Variants in HIRA observed in about 807,000 individuals in gnomAD.
HIRA encodes histone cell cycle regulator.
HIRA carries 13 observed loss-of-function variants against 126.6 expected under a neutral mutation model. The ratio of observed to expected loss-of-function variants is 0.10; its 90% CI spans 0.07 to 0.16. The LOEUF is 0.16. HIRA is among the 10% of genes least tolerant of loss of function. The pLI, the probability that HIRA is intolerant of heterozygous loss-of-function variation, is 1.00. For missense variants in HIRA, 834 were observed against 1,314.4 expected (o/e 0.63, Z 5.65); for synonymous variants, 511 against 520.0 (o/e 0.98, Z 0.24).
chr22:19,387,383 G>T (rs971869986), intron 11 of HIRA, among the ~76,000 whole-genome samples: 5 of 152,162 alleles, frequency 3.3e-5, no homozygotes, highest in African/African-American at 1.2e-4. Flanking sequence ...AGGTGAAAGT[G>T]ACATGAGCAG....
At chr22:19,405,912 T>C (rs2089304643) in intron 4 of HIRA, 32 bp from the exon 5 acceptor site, 9 of 1,392,638 alleles carry the variant, frequency 6.5e-6, no homozygotes, top group Non-Finnish European at 8.6e-6. Context: ...AAGGCACTCA[T>C]GGAGTGCTCT....
At chr22:19,353,887 G>A (rs1601811605) in intron 22 of HIRA, 109 bp downstream of exon 22, 2 of 1,369,664 alleles carry the variant, frequency 1.5e-6, no homozygotes, top group Non-Finnish European at 2.0e-6. Flanking sequence ...TGGGGCACAG[G>A]GGAAGGGCAG....
At chr22:19,422,193 C>CACACAA (rs147313860) in intron 1 of HIRA, among the ~76,000 whole-genome samples, 1 of 145,552 alleles carries the variant, frequency 6.9e-6, no homozygotes, top group Non-Finnish European at 1.5e-5. Context: ...CACACACACA[C>CACACAA]ATACACATAT....
rs747482392 is a variant in HIRA, at chr22:19,410,706, A to G, written c.100+10T>C. 9 of 1,609,324 alleles carry G rather than the reference A, an allele frequency of 5.6e-6. No individual in the cohort carries two copies. The highest frequency in any genetic ancestry group is 7.7e-6 in the Non-Finnish European group (9 of 1,175,836). ...GTTAAGCTTTCCCTTTCTTTATTCC[A>G]TAAACATACCTTGTCCTCCAGTTGC... is the stretch of plus-strand genomic sequence containing the variant. On this transcript the variant is annotated intron_variant, in intron 2 of 24. Transcript: ENST00000263208.
intron 13 of HIRA, among the ~76,000 whole-genome samples, chr22:19,382,663 G>A (rs2089084963): frequency 6.6e-6 from 1 of 152,176 alleles, no homozygotes; most frequent in African/African-American, 2.4e-5. Context: ...TCCATGAAGG[G>A]CTTACAAATG....
At chr22:19,392,261 C>A in intron 8 of HIRA, 47 bp from the exon 9 acceptor site, 2 of 1,231,868 alleles carry the variant, frequency 1.6e-6, no homozygotes, top group South Asian at 1.3e-5. Flanking sequence ...AAGCATCAGG[C>A]ATGTCCCCTG....
At chr22:19,333,513 TTTTC>T (rs2088519748) in intron 24 of HIRA, among the ~76,000 whole-genome samples, 2 of 152,084 alleles carry the variant, frequency 1.3e-5, no homozygotes, top group Non-Finnish European at 2.9e-5. Flanking sequence ...AAGGATGAGA[TTTTC>T]TTTGTCTTTC....
chr22:19,372,101 C>T (rs1055524373), intron 15 of HIRA, among the ~76,000 whole-genome samples: 1 of 152,152 alleles, frequency 6.6e-6, no homozygotes, highest in Non-Finnish European at 1.5e-5. Flanking sequence ...ATGAGGGTTC[C>T]CTTTAGAGCT....
intron 7 of HIRA, 57 bp from the exon 8 acceptor site, chr22:19,394,566 C>G: frequency 1.9e-6 from 3 of 1,556,172 alleles, no homozygotes; most frequent in Non-Finnish European, 2.6e-6. Context: ...GACCAAAACT[C>G]TGGCCTCGAG....
chr22:19,379,255 G>A (rs1443138354), intron 13 of HIRA, among the ~76,000 whole-genome samples: 6 of 151,300 alleles, frequency 4.0e-5, no homozygotes, highest in South Asian at 4.2e-4. Flanking sequence ...CTCGTGATCC[G>A]CCCGCCTTGG....
Position 19,413,057 on chromosome 22 carries a change from C to T in HIRA, c.38-2279G>A, listed in dbSNP as rs531928831. Among the ~76,000 whole-genome samples, 22 of 152,164 alleles carry T rather than the reference C, an allele frequency of 1.4e-4. No individual in the cohort carries two copies. The South Asian group carries it at 1.5e-3, about 10-fold the overall frequency. ...GGAGAGGGTTTTCAGGCTGAGGGGA[C>T]GCACGGCATGGAATCAAGAAATAGG... On this transcript the variant is annotated intron_variant, in intron 1 of 24. Transcript: ENST00000263208.
chr22:19,392,812 G>A (rs1466020997), intron 8 of HIRA, among the ~76,000 whole-genome samples: 1 of 152,194 alleles, frequency 6.6e-6, no homozygotes, highest in East Asian at 1.9e-4. Context: ...TGGCTGCTTA[G>A]TCCAGGGAAC....
intron 22 of HIRA, 97 bp downstream of exon 22, chr22:19,353,899 T>C: frequency 6.9e-7 from 1 of 1,446,950 alleles, no homozygotes; most frequent in Non-Finnish European, 9.4e-7. Context: ...GAAGGGCAGG[T>C]GGAGACCAGG....
chr22:19,361,315 C>G lies in HIRA; in HGVS notation c.2007G>C (p.Lys669Asn). 2 of 1,614,238 alleles carry G rather than the reference C, an allele frequency of 1.2e-6. No homozygotes were observed. The highest frequency in any genetic ancestry group is 1.7e-6 in the Non-Finnish European group (2 of 1,180,026). The change falls in exon 17 of 25, where the codon AAG (lysine) becomes AAC (asparagine). Residue 669 changes from lysine to asparagine, a missense_variant. Physicochemically the swap from Lys to Asn is moderately conservative, Grantham distance 94 (BLOSUM62 0). Transcript: ENST00000263208. ...CTGGTGCAGACAGACACATGGCCTC[C>G]TTCTCTGCGGTTAGGGCAGCTGGAG... Reference protein sequence around the residue: ...VQSPAALTAEKEAMCLSAPAL... With the variant: ...VQSPAALTAENEAMCLSAPAL...
At chr22:19,409,489 G>A (rs2089334502) in intron 2 of HIRA, among the ~76,000 whole-genome samples, 1 of 151,994 alleles carries the variant, frequency 6.6e-6, no homozygotes, top group Non-Finnish European at 1.5e-5. Context: ...TCGCCATGTT[G>A]GCCAGGCTGA....
intron 15 of HIRA, among the ~76,000 whole-genome samples, chr22:19,366,978 G>T (rs1245983579): frequency 6.6e-6 from 1 of 152,140 alleles, no homozygotes; most frequent in African/African-American, 2.4e-5. Flanking sequence ...GGCCAAGCTG[G>T]TCTTGAGCTC....
At chr22:19,410,680 T>C (rs753345595) in intron 2 of HIRA, 36 bp downstream of exon 2, 1 of 1,517,930 alleles carries the variant, frequency 6.6e-7, no homozygotes, top group African/African-American at 1.4e-5. Context: ...GTGGCAGGGC[T>C]GTTAAGCTTT....
intron 1 of HIRA, among the ~76,000 whole-genome samples, chr22:19,428,717 C>G (rs1316477664): frequency 1.3e-5 from 2 of 152,180 alleles, no homozygotes; most frequent in Middle Eastern, 3.4e-3. Flanking sequence ...GATGCTGAGG[C>G]AGGAAGATCC....
At chr22:19,370,346 G>A (rs1024214164) in intron 15 of HIRA, among the ~76,000 whole-genome samples, 4 of 152,118 alleles carry the variant, frequency 2.6e-5, no homozygotes, top group South Asian at 4.2e-4. Flanking sequence ...TGCGTTTAAG[G>A]AATTCTGCTG....
Sources: allele counts gnomAD v4.1 joint callset (sites outside exome capture counted in the v4.1 genomes callset), GRCh38; gene constraint gnomAD v4.1.1; transcripts MANE v1.5; gene names NCBI Gene and HGNC (gene_info 2026-07-23, HGNC 2026-07-21).